GARNL3: variants seen among roughly 807,000 people sequenced by gnomAD.
GARNL3 encodes the protein GTPase-activating Rap/Ran-GAP domain-like protein 3.
GARNL3 carries 63 observed loss-of-function variants against 125.0 expected under a neutral mutation model. The observed-to-expected ratio is 0.50, with a 90% CI of 0.41 to 0.62. GARNL3 has a LOEUF of 0.62. GARNL3 is among the 20% of genes least tolerant of loss of function. The probability of loss-of-function intolerance (pLI) is 0.00; values close to 1 mark genes in which losing one functional copy is unlikely to be tolerated. For missense variants in GARNL3, 994 were observed against 1,244.0 expected, an observed-to-expected ratio of 0.80 and a Z score of 3.02; for synonymous variants, 439 against 457.5, an observed-to-expected ratio of 0.96 and a Z score of 0.52.
At chr9:127,388,860 AC>A (rs753887848) in intron 25 of GARNL3, 43 bp from the exon 26 acceptor site, 3 of 1,130,794 alleles carry the variant, frequency 2.7e-6, no homozygotes, top group Non-Finnish European at 4.1e-6. Context: ...AATAATGTGC[AC>A]TTTTCTTAAA....
At chr9:127,325,228 G>C (rs1033500783) in intron 7 of GARNL3, 133 bp downstream of exon 7, 1 of 806,162 alleles carries the variant, frequency 1.2e-6, no homozygotes, top group Non-Finnish European at 2.0e-6. Flanking sequence ...GACACATTGC[G>C]CGGAAAGAAC....
At chr9:127,243,619 G>A (rs1247592288) in intron 2 of GARNL3, among the ~76,000 whole-genome samples, 1 of 152,136 alleles carries the variant, frequency 6.6e-6, no homozygotes, top group Admixed American at 6.5e-5. Context: ...TTTACAGAAT[G>A]CCTTCTCTGT....
Position 127,385,043 on chromosome 9 carries a change from T to C in GARNL3, c.2286T>C (p.Tyr762=). The C allele has an allele frequency of 6.2e-7, 1 of 1,608,340 alleles. No individual in the cohort carries two copies. The highest frequency in any genetic ancestry group is 8.5e-7 in the Non-Finnish European group (1 of 1,176,504). The change falls in exon 24 of 28, where the codon TAT becomes TAC. Residue 762 remains tyrosine (Y), a synonymous_variant. Coordinates refer to ENST00000373387, the MANE Select transcript of GARNL3 (RefSeq NM_032293.5). The surrounding 1 kb of genome is among the most constrained non-coding windows in gnomAD (Gnocchi z 4.1). The part of the protein sequence containing the change: ...APYAIVCAFP[Y]LLAFTTDSME... ...CCCTTGCAGTCTGTGCTTTCCCGTA[T>C]CTCCTGGCCTTCACCACCGACTCCA... is the stretch of plus-strand genomic sequence containing the variant.
chr9:127,366,130 G>A (rs540384734), intron 22 of GARNL3, among the ~76,000 whole-genome samples: 3 of 152,142 alleles, frequency 2.0e-5, no homozygotes, highest in South Asian at 4.1e-4. Context: ...CATGTTTTTC[G>A]GCCTAGGATT....
intron 7 of GARNL3, among the ~76,000 whole-genome samples, chr9:127,330,670 G>C (rs1829175071): frequency 6.6e-6 from 1 of 152,166 alleles, no homozygotes; most frequent in Admixed American, 6.5e-5. Flanking sequence ...GTTCTCCGAT[G>C]GAGAATAACA....
At chr9:127,352,763 C>T (rs1830481454) in intron 17 of GARNL3, among the ~76,000 whole-genome samples, 2 of 152,146 alleles carry the variant, frequency 1.3e-5, no homozygotes, top group South Asian at 4.1e-4. Flanking sequence ...AAGCTCTGCT[C>T]CCTCCTGGAC....
At position 127,332,268 on chromosome 9, in the gene GARNL3, C is replaced by T. The variant is rs746970348; in HGVS notation, c.595-6C>T. On this transcript the variant is annotated splice_region_variant and splice_polypyrimidine_tract_variant and intron_variant, in intron 7 of 27. Coordinates refer to ENST00000373387, the MANE Select transcript of GARNL3 (RefSeq NM_032293.5). Reference sequence around the variant, plus strand: ...TAACTGTAACACCTTTTGTTATTATCCTAAGGGCTCTGTGAATTTCAAGTT... The same window carrying T: ...TAACTGTAACACCTTTTGTTATTATTCTAAGGGCTCTGTGAATTTCAAGTT... The T allele has an allele frequency of 1.2e-6, 2 of 1,609,158 alleles. No individual in the cohort carries two copies. Among genetic ancestry groups the T allele is most frequent in the African/African-American group, 1.3e-5 (1 of 74,890 alleles).
At chr9:127,325,260 G>A (rs982986344) in intron 7 of GARNL3, among the ~76,000 whole-genome samples, 165 bp downstream of exon 7, 4 of 152,158 alleles carry the variant, frequency 2.6e-5, no homozygotes, top group African/African-American at 9.7e-5. Context: ...TATTTTTAAG[G>A]TATATTTTAG....
intron 6 of GARNL3, among the ~76,000 whole-genome samples, chr9:127,324,464 G>A (rs1046570680): frequency 2.0e-5 from 3 of 152,032 alleles, no homozygotes; most frequent in African/African-American, 7.2e-5. Context: ...CCTGACCCTC[G>A]TCGCCTCTGC....
At chr9:127,325,398 G>T (rs376507597) in intron 7 of GARNL3, among the ~76,000 whole-genome samples, 36 of 152,216 alleles carry the variant, frequency 2.4e-4, no homozygotes, top group African/African-American at 8.7e-4. Context: ...TTAAAGTAGG[G>T]TGTGTGTGCT....
upstream of GARNL3, chr9:127,263,528 C>T: frequency 4.5e-6 from 1 of 222,628 alleles, no homozygotes; most frequent in Non-Finnish European, 7.5e-6. Flanking sequence ...AGGGGAATGG[C>T]AGTAGCCTCC....
At chr9:127,291,811 C>T (rs1243426904) in intron 2 of GARNL3, among the ~76,000 whole-genome samples, 1 of 150,510 alleles carries the variant, frequency 6.6e-6, no homozygotes, top group Non-Finnish European at 1.5e-5. Flanking sequence ...GGCAAAAACT[C>T]GCCAGCCTTT....
intron 7 of GARNL3, 133 bp downstream of exon 7, chr9:127,325,228 G>T (rs1033500783): frequency 3.7e-6 from 3 of 806,164 alleles, no homozygotes; most frequent in African/African-American, 1.8e-5. Flanking sequence ...GACACATTGC[G>T]CGGAAAGAAC....
chr9:127,228,186 C>T (rs2062945889), intron 1 of GARNL3, among the ~76,000 whole-genome samples: 1 of 152,160 alleles, frequency 6.6e-6, no homozygotes, highest in African/African-American at 2.4e-5. Flanking sequence ...GGATATATTA[C>T]CATTTATTTA....
rs187955843 is a variant in GARNL3 at position 127,388,577 on chromosome 9, A to G, written c.2528-327A>G. The G allele has an allele frequency of 1.2e-3, 443 of 359,180 alleles. 1 individual carries two copies. The highest frequency in any genetic ancestry group is 2.1e-3 in the Non-Finnish European group (395 of 191,806). The allele number at this position is 359,180 out of a possible 1,614,324, so 22.2% of individuals were successfully genotyped here. A position where few individuals can be genotyped will look rare whatever the true frequency, so the allele number is the denominator to read the frequency against. The stretch of plus-strand genomic sequence containing the variant: ...AGCGCTTTTCATAAATTCTTACCAC[A>G]TCACTCATCTTTATTGCACGCAGTT... On this transcript the variant is annotated intron_variant, in intron 25 of 27. Coordinates refer to ENST00000373387, the MANE Select transcript of GARNL3 (RefSeq NM_032293.5).
At chr9:127,248,869 C>T (rs1421765399) in intron 2 of GARNL3, among the ~76,000 whole-genome samples, 2 of 151,938 alleles carry the variant, frequency 1.3e-5, no homozygotes, top group Non-Finnish European at 2.9e-5. Flanking sequence ...CCTCAGCCTC[C>T]CAAAGTGCTT....
intron 1 of GARNL3, among the ~76,000 whole-genome samples, chr9:127,228,622 C>T (rs2062952913): frequency 6.6e-6 from 1 of 152,090 alleles, no homozygotes; most frequent in African/African-American, 2.4e-5. Flanking sequence ...CTTTGGAATG[C>T]TTATGCTTTC....
In GARNL3 at chr9:127,265,014, TG is replaced by T; in HGVS notation, c.139del (p.Glu47SerfsTer43). The T allele has an allele frequency of 6.2e-7, 1 of 1,612,338 alleles. No individual in the cohort carries two copies. Among genetic ancestry groups the T allele is most frequent in the Non-Finnish European group, 8.5e-7 (1 of 1,178,954 alleles). ...TTCAGTAGGAAACATTATGGATCTG[TG>T]GAGCTGGTAAGTTTATGCTGTCTGT... is the stretch of plus-strand genomic sequence containing the variant. ...GDFSRKHYGS[V>X]ELLISSDADG... On this transcript the variant is annotated frameshift_variant, in exon 1 of 28. Coordinates refer to ENST00000373387, the MANE Select transcript of GARNL3 (RefSeq NM_032293.5). LOFTEE classifies it high-confidence loss of function.
chr9:127,260,249 G>A (rs1357918293), upstream of GARNL3, among the ~76,000 whole-genome samples: 1 of 152,130 alleles, frequency 6.6e-6, no homozygotes, highest in Non-Finnish European at 1.5e-5. Flanking sequence ...GCTACAGAAT[G>A]GTTAACAGGT....
Sources: allele counts gnomAD v4.1 joint callset (sites outside exome capture counted in the v4.1 genomes callset), GRCh38; gene constraint gnomAD v4.1.1; non-coding constraint Gnocchi (gnomAD v3.1); transcripts MANE v1.5; gene names NCBI Gene and HGNC (gene_info 2026-07-23, HGNC 2026-07-21).